Variants in PPFIBP1 observed in about 807,000 individuals in gnomAD.
PPFIBP1 encodes the protein PPFIB scaffold protein 1, also known as liprin-beta-1.
A neutral mutation model predicts 137.8 loss-of-function variants in PPFIBP1; 112 were observed. The observed-to-expected ratio is 0.81, with a 90% CI of 0.70 to 0.95. The LOEUF is 0.95. PPFIBP1 is among the 40% of genes least tolerant of loss of function. The pLI, the probability that PPFIBP1 is intolerant of heterozygous loss-of-function variation, is 0.00. For missense variants in PPFIBP1, 1,083 were observed against 1,196.6 expected (o/e 0.91, Z 1.40); for synonymous variants, 378 against 417.3 (o/e 0.91, Z 1.15).
intron 1 of PPFIBP1, among the ~76,000 whole-genome samples, chr12:27,557,385 G>A (rs1592443207): frequency 1.3e-5 from 2 of 151,830 alleles, no homozygotes; most frequent in South Asian, 2.1e-4. Flanking sequence ...ACAGGTGCCC[G>A]CCACCACGCC....
chr12:27,694,125 GA>G lies in PPFIBP1; in HGVS notation c.*1244del. 1 of 152,138 alleles carries G rather than the reference GA, an allele frequency of 6.6e-6. No homozygotes were observed. The highest frequency in any genetic ancestry group is 1.9e-4 in the East Asian group (1 of 5,172). 9.4% of individuals were successfully genotyped at this position (152,138 alleles called of 1,614,324 possible). A position where few individuals can be genotyped will look rare whatever the true frequency, so the allele number is the denominator to read the frequency against. On this transcript the variant is annotated 3_prime_UTR_variant, in exon 30 of 30. Transcript: ENST00000228425. Reference sequence around the variant, plus strand: ...TCACCTCAGCTTCCCTAATAGCTAGGATTACAGGTGTGTGGCCTCCCACCCC... The same window carrying G: ...TCACCTCAGCTTCCCTAATAGCTAGGTTACAGGTGTGTGGCCTCCCACCCC...
Position 27,695,275 on chromosome 12 carries a change from C to T in PPFIBP1, c.*2393C>T, listed in dbSNP as rs1184235374. The T allele has an allele frequency of 1.3e-5, 2 of 152,210 alleles. No individual in the cohort carries two copies. The highest frequency in any genetic ancestry group is 4.8e-5 in the African/African-American group (2 of 41,430). The allele number at this position is 152,210 out of a possible 1,614,324, so 9.4% of individuals were successfully genotyped here. On this transcript the variant is annotated 3_prime_UTR_variant, in exon 30 of 30. Transcript: ENST00000228425. ...GGGACTACAGGTACCTGCCACCACG[C>T]CTGGCTAATTTTGTTTTTGTATTTT...
chr12:27,551,044 C>T (rs1946730597), intron 1 of PPFIBP1, among the ~76,000 whole-genome samples: 1 of 150,114 alleles, frequency 6.7e-6, no homozygotes, highest in Non-Finnish European at 1.5e-5. Flanking sequence ...TTATTCCCAT[C>T]TTCTAAAGAG....
chr12:27,658,956 G>C, intron 10 of PPFIBP1, 108 bp downstream of exon 10: 1 of 1,127,558 alleles, frequency 8.9e-7, no homozygotes, highest in South Asian at 1.4e-5. Flanking sequence ...ATGTAAAGTT[G>C]CTTCATCAAT....
intron 17 of PPFIBP1, among the ~76,000 whole-genome samples, chr12:27,675,716 T>C (rs747681694): frequency 2.6e-5 from 4 of 152,154 alleles, no homozygotes; most frequent in Non-Finnish European, 5.9e-5. Context: ...GACCAGAAAC[T>C]ATAAAACTGC....
chr12:27,660,793 C>T, intron 10 of PPFIBP1, 91 bp from the exon 11 acceptor site: 2 of 1,507,116 alleles, frequency 1.3e-6, no homozygotes, highest in Non-Finnish European at 1.8e-6. Flanking sequence ...AACATCTTTA[C>T]CTTAAAATAT....
At chr12:27,545,275 C>G (rs1395797437) in intron 1 of PPFIBP1, among the ~76,000 whole-genome samples, 1 of 152,120 alleles carries the variant, frequency 6.6e-6, no homozygotes. Context: ...AGGAGAAATA[C>G]CTAATGTAGA....
Position 27,682,608 on chromosome 12 carries a change from C to G in PPFIBP1, c.2159-7C>G. Reference sequence around the variant, plus strand: ...GCATGGTAGCAACACTGGCCTCTCTCTTTTAGGATGGTTGGATGACATTGG... The same window carrying G: ...GCATGGTAGCAACACTGGCCTCTCTGTTTTAGGATGGTTGGATGACATTGG... On this transcript the variant is annotated splice_polypyrimidine_tract_variant and splice_region_variant and intron_variant, in intron 23 of 29. Coordinates refer to ENST00000228425, the MANE Select transcript of PPFIBP1 (RefSeq NM_003622.4). 6.2e-7 allele frequency: 1 copy of G among 1,614,120 alleles called. No homozygotes were observed. The highest frequency in any genetic ancestry group is 8.5e-7 in the Non-Finnish European group (1 of 1,179,996).
At chr12:27,625,646 C>T (rs561687971) in intron 2 of PPFIBP1, among the ~76,000 whole-genome samples, 133 of 150,770 alleles carry the variant, frequency 8.8e-4, no homozygotes, top group African/African-American at 3.0e-3. Context: ...AGTGGCACTC[C>T]AATCTCAGCC....
chr12:27,547,282 TG>T (rs1453693212), intron 1 of PPFIBP1: 1 of 152,200 alleles, frequency 6.6e-6, no homozygotes, highest in Admixed American at 6.5e-5. Context: ...CGCCTTTACT[TG>T]TGAACTTGCT....
At chr12:27,686,775 G>T (rs1352096315) in intron 24 of PPFIBP1, among the ~76,000 whole-genome samples, 1 of 151,964 alleles carries the variant, frequency 6.6e-6, no homozygotes, top group East Asian at 1.9e-4. Flanking sequence ...GGTGCCTCAC[G>T]CCTGTAATCC....
intron 2 of PPFIBP1, among the ~76,000 whole-genome samples, chr12:27,609,914 C>T (rs2054912185): frequency 6.6e-6 from 1 of 152,118 alleles, no homozygotes. Flanking sequence ...GAGATTAAAA[C>T]TGACAAATGG....
chr12:27,679,233 T>C (rs1400239551), intron 19 of PPFIBP1, among the ~76,000 whole-genome samples: 2 of 152,170 alleles, frequency 1.3e-5, no homozygotes, highest in African/African-American at 4.8e-5. Context: ...TTGAAATCAC[T>C]CAAGGAAAGA....
intron 2 of PPFIBP1, among the ~76,000 whole-genome samples, chr12:27,612,328 GTTTTTT>G (rs1173958726): frequency 0.012 from 1,023 of 87,248 alleles, 10 homozygotes; most frequent in Admixed American, 0.02. Flanking sequence ...CTTTATTGGT[GTTTTTT>G]TTTTTTTTTT....
At chr12:27,653,528 G>A (rs889130158) in intron 7 of PPFIBP1, among the ~76,000 whole-genome samples, 3 of 150,492 alleles carry the variant, frequency 2.0e-5, no homozygotes, top group South Asian at 2.1e-4. Context: ...CGAAGGTCGC[G>A]GTGAGCTGAG....
At chr12:27,677,971 T>C (rs2060631269) in intron 19 of PPFIBP1, 1 of 152,236 alleles carries the variant, frequency 6.6e-6, no homozygotes. Flanking sequence ...ATGCATAAAA[T>C]AAACTGATCT....
chr12:27,580,879 A>G (rs2051034797), intron 2 of PPFIBP1, among the ~76,000 whole-genome samples: 1 of 151,750 alleles, frequency 6.6e-6, no homozygotes, highest in South Asian at 2.1e-4. Context: ...TTTTGCACAA[A>G]GGAAATTTGT....
chr12:27,650,416 G>C (rs1314888169), intron 7 of PPFIBP1, among the ~76,000 whole-genome samples: 2 of 151,986 alleles, frequency 1.3e-5, no homozygotes, highest in Admixed American at 1.3e-4. Flanking sequence ...TTGACTTTAC[G>C]ATATTTGGAG....
intron 2 of PPFIBP1, among the ~76,000 whole-genome samples, chr12:27,593,000 CA>C (rs879409695): frequency 6.6e-6 from 1 of 151,742 alleles, no homozygotes; most frequent in African/African-American, 2.4e-5. Flanking sequence ...GTTAGGGTAG[CA>C]GACGCCTATA....
Sources: gnomAD v4.1 joint callset for allele counts (sites outside exome capture counted in the v4.1 genomes callset) on GRCh38, gnomAD v4.1.1 for gene constraint, MANE v1.5 for transcripts, NCBI Gene and HGNC (gene_info 2026-07-23, HGNC 2026-07-21) for gene names.